Variants in FBXO42 observed in about 807,000 individuals in gnomAD.
The protein encoded by FBXO42 is F-box only protein 42.
Under a neutral mutation model 71.7 loss-of-function variants are expected in FBXO42, and 12 were observed. The observed-to-expected ratio is 0.17, with a 90% CI of 0.11 to 0.27. FBXO42 has a LOEUF of 0.27. Ranked by LOEUF, FBXO42 falls within the 10% of genes least tolerant of loss-of-function variation. FBXO42 has a pLI of 1.00. For missense variants in FBXO42, 707 were observed against 911.9 expected (o/e 0.78, Z 2.89); for synonymous variants, 325 against 327.5 (o/e 0.99, Z 0.08).
chr1:16,323,587 A>G (rs181407874), intron 1 of FBXO42, among the ~76,000 whole-genome samples: 1 of 151,884 alleles, frequency 6.6e-6, no homozygotes, highest in African/African-American at 2.4e-5. Flanking sequence ...TTTTGAGGTC[A>G]GGAGTTCGAG....
rs142813414 is a variant in FBXO42 at position 16,301,484 on chromosome 1, G to T, written c.367+4319C>A. On this transcript the variant is annotated intron_variant, in intron 3 of 9. Coordinates refer to ENST00000375592, the MANE Select transcript of FBXO42 (RefSeq NM_018994.3). ...TTGAGACCAGACTGGGCAATAGGGC[G>T]AAACCCCGTCTCTACTAAAACTACA... is the stretch of plus-strand genomic sequence containing the variant. Among the ~76,000 whole-genome samples, 4 of 151,744 alleles carry T rather than the reference G, an allele frequency of 2.6e-5. No individual in the cohort carries two copies. In the East Asian group the frequency reaches 7.8e-4, roughly 30 times the overall value.
chr1:16,329,449 C>T (rs751516721), intron 1 of FBXO42, among the ~76,000 whole-genome samples: 29 of 150,426 alleles, frequency 1.9e-4, no homozygotes, highest in Non-Finnish European at 4.0e-4. Context: ...CCAGGCGTGG[C>T]GGTGTGCGCC....
intron 1 of FBXO42, among the ~76,000 whole-genome samples, chr1:16,341,840 G>A (rs115382489): frequency 0.011 from 1,690 of 150,826 alleles, 35 homozygotes; most frequent in African/African-American, 0.038. Context: ...GCATAGTGGC[G>A]TCTGCCTGTA....
intron 4 of FBXO42, among the ~76,000 whole-genome samples, chr1:16,276,209 G>A (rs1310967876): frequency 1.3e-5 from 2 of 151,558 alleles, no homozygotes; most frequent in African/African-American, 2.4e-5. Flanking sequence ...GTGAAACCCC[G>A]TTCTACTAAA....
At chr1:16,348,035 T>C (rs1295589060) in intron 1 of FBXO42, among the ~76,000 whole-genome samples, 1 of 151,484 alleles carries the variant, frequency 6.6e-6, no homozygotes, top group Non-Finnish European at 1.5e-5. Flanking sequence ...AAGACTTGCC[T>C]ATAAGTCATA....
intron 3 of FBXO42, among the ~76,000 whole-genome samples, chr1:16,296,095 C>T (rs1417739667): frequency 6.6e-6 from 1 of 152,148 alleles, no homozygotes; most frequent in African/African-American, 2.4e-5. Flanking sequence ...AAGCCAGAGT[C>T]TAGAAAAGAT....
At chr1:16,258,948 C>G (rs1292655766) in intron 4 of FBXO42, among the ~76,000 whole-genome samples, 1 of 152,106 alleles carries the variant, frequency 6.6e-6, no homozygotes, top group Non-Finnish European at 1.5e-5. Flanking sequence ...CTATGTTGCT[C>G]AGGCTGGCCA....
intron 4 of FBXO42, among the ~76,000 whole-genome samples, chr1:16,290,006 C>T (rs2082062153): frequency 6.6e-6 from 1 of 152,156 alleles, no homozygotes; most frequent in African/African-American, 2.4e-5. Context: ...TTGTTTCTTT[C>T]CCGTTACAAT....
intron 1 of FBXO42, among the ~76,000 whole-genome samples, chr1:16,316,064 G>C (rs1231168157): frequency 6.6e-6 from 1 of 151,560 alleles, no homozygotes; most frequent in Non-Finnish European, 1.5e-5. Flanking sequence ...CAGCTACTCG[G>C]GAGGCTGAGG....
At chr1:16,313,333 AAAGAAAG>A (rs1300780951) in intron 2 of FBXO42, among the ~76,000 whole-genome samples, 1 of 62,200 alleles carries the variant, frequency 1.6e-5, no homozygotes, top group Admixed American at 1.5e-4. Flanking sequence ...ACAAAGAAAG[AAAGAAAG>A]AAAGAAAGAA....
chr1:16,342,336 C>T (rs905191556), intron 1 of FBXO42, among the ~76,000 whole-genome samples: 3 of 139,898 alleles, frequency 2.1e-5, no homozygotes, highest in Non-Finnish European at 4.5e-5. Context: ...GCGGAGGTTG[C>T]GGTGAGCCGA....
At position 16,247,821 on chromosome 1, in the gene FBXO42, T is replaced by C. The variant is rs3738632; in HGVS notation, c.*2849A>G. ...TGAAAACACAAAACCCGCTCTGCTG[T>C]ATAACCTGTGAAATAAGAGAACAGG... On this transcript the variant is annotated 3_prime_UTR_variant, in exon 10 of 10. Transcript: ENST00000375592. 0.69 allele frequency: 104,874 copies of C among 152,018 alleles called. 37,084 individuals carry two copies. The highest frequency in any genetic ancestry group is 0.86 in the East Asian group (4,451 of 5,168). 9.4% of individuals were successfully genotyped at this position (152,018 alleles called of 1,614,324 possible).
intron 3 of FBXO42, among the ~76,000 whole-genome samples, chr1:16,299,695 A>G (rs2082170044): frequency 6.6e-6 from 1 of 152,114 alleles, no homozygotes; most frequent in African/African-American, 2.4e-5. Flanking sequence ...CCCAGGCTGG[A>G]GTGCAGTGGC....
chr1:16,260,733 G>C (rs906791710), intron 4 of FBXO42, among the ~76,000 whole-genome samples: 3 of 150,260 alleles, frequency 2.0e-5, no homozygotes, highest in African/African-American at 7.4e-5. Context: ...TCTCACTCTG[G>C]CACCCAGGCT....
At chr1:16,312,390 A>G (rs771708635) in intron 2 of FBXO42, among the ~76,000 whole-genome samples, 1 of 152,122 alleles carries the variant, frequency 6.6e-6, no homozygotes. Flanking sequence ...TTAAATGCAA[A>G]TATTACTAAG....
chr1:16,321,699 T>G (rs182230219), intron 1 of FBXO42, among the ~76,000 whole-genome samples: 1 of 152,068 alleles, frequency 6.6e-6, no homozygotes, highest in Non-Finnish European at 1.5e-5. Context: ...AAGGGTTTTT[T>G]TTTTTTTTTT....
chr1:16,282,939 C>T (rs2081980166), intron 4 of FBXO42, among the ~76,000 whole-genome samples: 1 of 151,672 alleles, frequency 6.6e-6, no homozygotes, highest in Admixed American at 6.6e-5. Context: ...TGAGATCACA[C>T]CACTGCAGGC....
intron 2 of FBXO42, among the ~76,000 whole-genome samples, chr1:16,311,426 C>T (rs2082310822): frequency 1.4e-5 from 2 of 146,558 alleles, no homozygotes; most frequent in Admixed American, 7.0e-5. Context: ...AAGTCAAGGC[C>T]GCAATGAGCT....
intron 1 of FBXO42, among the ~76,000 whole-genome samples, chr1:16,345,648 G>C (rs190787508): frequency 1.3e-5 from 2 of 151,998 alleles, no homozygotes; most frequent in African/African-American, 4.8e-5. Flanking sequence ...AGGAGATCGA[G>C]ACCATCCTGG....
Sources: allele counts gnomAD v4.1 joint callset (sites outside exome capture counted in the v4.1 genomes callset), GRCh38; gene constraint gnomAD v4.1.1; transcripts MANE v1.5; gene names NCBI Gene and HGNC (gene_info 2026-07-23, HGNC 2026-07-21).